The following TMEM132D variants were observed in gnomAD, a reference collection of about 807,000 sequenced individuals.
TMEM132D encodes the protein mature OL transmembrane protein.
In TMEM132D, 21 loss-of-function variants were observed where a neutral mutation model predicts 62.3. The ratio of observed to expected loss-of-function variants is 0.34; its 90% CI spans 0.24 to 0.49. TMEM132D has a LOEUF of 0.49. Among genes scored for constraint, TMEM132D ranks in the 20% least tolerant of loss-of-function variants. TMEM132D has a pLI of 0.99. For missense variants in TMEM132D, 1,346 were observed against 1,402.8 expected, an observed-to-expected ratio of 0.96 and a Z score of 0.65; for synonymous variants, 621 against 575.6, an observed-to-expected ratio of 1.08 and a Z score of -1.13.
chr12:129,235,402 T>TG (rs533692144), intron 4 of TMEM132D, among the ~76,000 whole-genome samples: 39 of 47,584 alleles, frequency 8.2e-4, no homozygotes, highest in African/African-American at 2.1e-3. Context: ...CCTAATGGGT[T>TG]TTTTTTTTTT....
intron 3 of TMEM132D, among the ~76,000 whole-genome samples, chr12:129,512,750 T>C (rs897497487): frequency 6.6e-6 from 1 of 152,220 alleles, no homozygotes; most frequent in African/African-American, 2.4e-5. Flanking sequence ...CCATATGGGC[T>C]TCTCTACTGG....
intron 3 of TMEM132D, among the ~76,000 whole-genome samples, chr12:129,470,581 A>G (rs1293859751): frequency 6.6e-6 from 1 of 152,192 alleles, no homozygotes; most frequent in East Asian, 1.9e-4. Context: ...GCACAAATAA[A>G]GTGGCTGTAT....
chr12:129,243,802 CTTGA>C (rs994258082), intron 4 of TMEM132D, among the ~76,000 whole-genome samples: 30 of 152,302 alleles, frequency 2.0e-4, no homozygotes, highest in African/African-American at 5.5e-4. Flanking sequence ...GCAAATTACT[CTTGA>C]TTAACTTTTT....
At chr12:129,140,512 C>A (rs191864409) in intron 5 of TMEM132D, among the ~76,000 whole-genome samples, 112 of 152,098 alleles carry the variant, frequency 7.4e-4, no homozygotes, top group African/African-American at 2.6e-3. Context: ...AGTATAGAGT[C>A]TTTTGTGTTT....
At chr12:129,150,033 T>A (rs1236992909) in intron 5 of TMEM132D, among the ~76,000 whole-genome samples, 1 of 152,226 alleles carries the variant, frequency 6.6e-6, no homozygotes. Context: ...TTTCGTCAGA[T>A]GTAAATTACA....
intron 4 of TMEM132D, among the ~76,000 whole-genome samples, chr12:129,266,153 G>A (rs938111508): frequency 3.3e-5 from 5 of 152,080 alleles, no homozygotes; most frequent in African/African-American, 4.8e-5. Context: ...TTCAGTACTC[G>A]TATCTTTACT....
rs71082709 is a variant in TMEM132D, at chr12:129,420,306, G to GTTT, written c.1116-82492_1116-82490dup. ...AATTTCAAATTATTGCACGTTCTCT[G>GTTT]TTTTTTTTTTTTTTTTTTTTTTTTG... On this transcript the variant is annotated intron_variant, in intron 3 of 8. Coordinates refer to ENST00000422113, the MANE Select transcript of TMEM132D (RefSeq NM_133448.3). 7.5e-4 allele frequency among the ~76,000 whole-genome samples: 84 copies of GTTT among 112,276 alleles called. 1 individual carries two copies. Among genetic ancestry groups the GTTT allele is most frequent in the African/African-American group, 8.8e-4 (22 of 24,946 alleles). 73.7% of individuals were successfully genotyped at this position (112,276 alleles called of 152,430 possible). A position where few individuals can be genotyped will look rare whatever the true frequency, so the allele number is the denominator to read the frequency against.
chr12:129,678,218 T>C (rs541313069), intron 2 of TMEM132D, among the ~76,000 whole-genome samples: 1 of 152,160 alleles, frequency 6.6e-6, no homozygotes, highest in African/African-American at 2.4e-5. Context: ...CACCAGGTCA[T>C]TCCCAATTAT....
chr12:129,466,300 T>G (rs1253356177), intron 3 of TMEM132D, among the ~76,000 whole-genome samples: 29,715 of 57,826 alleles, frequency 0.51, 8,080 homozygotes, highest in Non-Finnish European at 0.56. Context: ...TTTTTTTTTT[T>G]TTTTTTTTTT....
At chr12:129,207,214 C>A (rs866657809) in intron 5 of TMEM132D, among the ~76,000 whole-genome samples, 1 of 151,794 alleles carries the variant, frequency 6.6e-6, no homozygotes, top group Admixed American at 6.6e-5. Context: ...ACCGCCCTCA[C>A]GGAGCTTAAG....
intron 2 of TMEM132D, among the ~76,000 whole-genome samples, chr12:129,584,868 A>T (rs2137129761): frequency 6.6e-6 from 1 of 152,294 alleles, no homozygotes; most frequent in South Asian, 2.1e-4. Context: ...ATGCTAGCAA[A>T]AGAGAGGGGA....
At chr12:129,577,964 G>A (rs1877722962) in intron 2 of TMEM132D, among the ~76,000 whole-genome samples, 1 of 152,186 alleles carries the variant, frequency 6.6e-6, no homozygotes, top group African/African-American at 2.4e-5. Flanking sequence ...ACAGAGTAAA[G>A]AACATCATCC....
At chr12:129,405,092 C>G (rs745529373) in intron 3 of TMEM132D, among the ~76,000 whole-genome samples, 1 of 152,098 alleles carries the variant, frequency 6.6e-6, no homozygotes, top group African/African-American at 2.4e-5. Flanking sequence ...GTGTTCTTGT[C>G]AGCTCAGGCT....
At chr12:129,231,580 T>C (rs1037984944) in intron 4 of TMEM132D, among the ~76,000 whole-genome samples, 10 of 152,194 alleles carry the variant, frequency 6.6e-5, no homozygotes, top group African/African-American at 2.2e-4. Context: ...GATACATCAT[T>C]ATTATTTTTT....
chr12:129,488,897 C>T (rs1397831807), intron 3 of TMEM132D, among the ~76,000 whole-genome samples: 4 of 152,056 alleles, frequency 2.6e-5, no homozygotes, highest in Admixed American at 1.3e-4. Flanking sequence ...GGCTCCCTGG[C>T]CAGCCTGCCT....
rs932461654 is a variant in TMEM132D, at chr12:129,508,119, A to G, written c.1115+22940T>C. Among the ~76,000 whole-genome samples, 6 of 152,294 alleles carry G rather than the reference A, an allele frequency of 3.9e-5. No individual in the cohort carries two copies. The East Asian group carries it at 9.7e-4, about 25-fold the overall frequency. ...GATTTGGGAACAGCTGGCAGTTATGATGGAATTTATGGGCAAAACATGTTG... is the reference window on the plus strand; with the variant it reads ...GATTTGGGAACAGCTGGCAGTTATGGTGGAATTTATGGGCAAAACATGTTG... On this transcript the variant is annotated intron_variant, in intron 3 of 8. Transcript: ENST00000422113.
chr12:129,508,704 T>C (rs1172321832), intron 3 of TMEM132D, among the ~76,000 whole-genome samples: 1 of 152,032 alleles, frequency 6.6e-6, no homozygotes, highest in East Asian at 1.9e-4. Flanking sequence ...CTTGTAAATG[T>C]ATCCCCCAAA....
chr12:129,514,781 T>C (rs1273298839), intron 3 of TMEM132D, among the ~76,000 whole-genome samples: 1 of 152,198 alleles, frequency 6.6e-6, no homozygotes, highest in African/African-American at 2.4e-5. Flanking sequence ...TCCATTCTCT[T>C]GATAGCTATG....
chr12:129,493,480 C>G (rs1874860521), intron 3 of TMEM132D, among the ~76,000 whole-genome samples: 1 of 152,218 alleles, frequency 6.6e-6, no homozygotes, highest in African/African-American at 2.4e-5. Context: ...TTGTCTTCTT[C>G]AGAATCAGTA....
Sources: gnomAD v4.1 joint callset for allele counts (sites outside exome capture counted in the v4.1 genomes callset) on GRCh38, gnomAD v4.1.1 for gene constraint, MANE v1.5 for transcripts, NCBI Gene and HGNC (gene_info 2026-07-23, HGNC 2026-07-21) for gene names.